The following VRK2 variants were observed in gnomAD, a reference collection of about 807,000 sequenced individuals.
VRK2 encodes VRK serine/threonine kinase 2, also known as serine/threonine-protein kinase VRK2.
VRK2 carries 60 observed loss-of-function variants against 57.6 expected under a neutral mutation model. The ratio of observed to expected loss-of-function variants is 1.04; its 90% CI spans 0.85 to 1.29. The LOEUF (loss-of-function observed/expected upper bound fraction) is 1.29, where lower values mean the gene tolerates loss of function less well. Ranked by LOEUF, VRK2 falls within the 50% of genes most tolerant of loss-of-function variation. The pLI is 0.00. For missense variants in VRK2, 705 were observed against 588.1 expected, an observed-to-expected ratio of 1.20 and a Z score of -2.06; for synonymous variants, 231 against 199.2, an observed-to-expected ratio of 1.16 and a Z score of -1.35.
chr2:58,151,731 GTTTTTTTTTTTTTTTTTTTTT>G lies in VRK2; in HGVS notation c.1182+5273_1182+5293del, dbSNP rs60379025. ...TTTTTTTAACTATGCTTCTATGCTT[GTTTTTTTTTTTTTTTTTTTTT>G]TTTTTTTTTTTTTTTGGTGGTCACT... On this transcript the variant is annotated intron_variant, in intron 12 of 12. Coordinates refer to ENST00000340157, the MANE Select transcript of VRK2 (RefSeq NM_006296.7). Among the ~76,000 whole-genome samples the G allele has an allele frequency of 1.4e-3, 24 of 16,722 alleles. 1 individual carries two copies. The East Asian group carries it at 0.016, about 11-fold the overall frequency. 11.0% of individuals were successfully genotyped at this position (16,722 alleles called of 152,430 possible). A position where few individuals can be genotyped will look rare whatever the true frequency, so the allele number is the denominator to read the frequency against.
intron 1 of VRK2, among the ~76,000 whole-genome samples, chr2:57,938,543 T>G (rs993722864): frequency 6.6e-6 from 1 of 152,242 alleles, no homozygotes; most frequent in Non-Finnish European, 1.5e-5. Context: ...TACCACTTAA[T>G]GCATTATCAG....
At chr2:58,154,743 C>T (rs936844431) in intron 12 of VRK2, 3 of 716,806 alleles carry the variant, frequency 4.2e-6, no homozygotes, top group Non-Finnish European at 7.8e-6. Context: ...ATTTTCTTCC[C>T]TTTTTTCCAG....
intron 1 of VRK2, among the ~76,000 whole-genome samples, chr2:57,951,315 T>C (rs953580706): frequency 6.6e-6 from 1 of 152,116 alleles, no homozygotes; most frequent in African/African-American, 2.4e-5. Flanking sequence ...TGCAATCTCA[T>C]GATAAAACTT....
intron 2 of VRK2, among the ~76,000 whole-genome samples, chr2:58,060,335 C>G (rs1677137539): frequency 6.6e-6 from 1 of 151,796 alleles, no homozygotes. Context: ...TGTAGATTGA[C>G]TATAATAAAG....
chr2:57,940,032 A>T (rs1316778893), intron 1 of VRK2, among the ~76,000 whole-genome samples: 1 of 152,180 alleles, frequency 6.6e-6, no homozygotes, highest in East Asian at 1.9e-4. Context: ...GTACACTCAG[A>T]TATCTTATAC....
chr2:58,154,193 T>C (rs1421556471), intron 12 of VRK2, among the ~76,000 whole-genome samples: 1 of 152,110 alleles, frequency 6.6e-6, no homozygotes, highest in East Asian at 1.9e-4. Flanking sequence ...TCCCTGTTAG[T>C]CTTGCTAGTT....
intron 2 of VRK2, among the ~76,000 whole-genome samples, chr2:58,074,961 C>T (rs1162417213): frequency 6.6e-6 from 1 of 151,896 alleles, no homozygotes; most frequent in African/African-American, 2.4e-5. Context: ...GTAAATTGTG[C>T]GTCATGGGAG....
chr2:57,982,129 C>A (rs763319271), intron 1 of VRK2, among the ~76,000 whole-genome samples: 36 of 152,180 alleles, frequency 2.4e-4, no homozygotes, highest in Admixed American at 3.9e-4. Context: ...CAATTGGCTT[C>A]ATTCTGGATG....
chr2:58,007,022 T>G (rs1040374549), intron 1 of VRK2, among the ~76,000 whole-genome samples: 1 of 152,024 alleles, frequency 6.6e-6, no homozygotes, highest in African/African-American at 2.4e-5. Context: ...AATCTTTCTC[T>G]CAGCCTTCCC....
intron 7 of VRK2, among the ~76,000 whole-genome samples, chr2:58,114,116 G>A (rs915210644): frequency 3.9e-5 from 6 of 152,028 alleles, no homozygotes; most frequent in Admixed American, 6.6e-5. Flanking sequence ...GCCTGGATAC[G>A]GTTTTGTATG....
intron 3 of VRK2, among the ~76,000 whole-genome samples, chr2:58,035,841 G>C (rs927937426): frequency 6.6e-6 from 1 of 151,988 alleles, no homozygotes; most frequent in Non-Finnish European, 1.5e-5. Context: ...ATATGAAATA[G>C]GAAAATGGGG....
At chr2:58,046,488 A>T (rs1256974559), upstream of VRK2, 1 of 985,002 alleles carries the variant, frequency 1.0e-6, no homozygotes, top group Non-Finnish European at 1.2e-6. Flanking sequence ...GAGATCTAAC[A>T]CTCCTACACA....
intron 1 of VRK2, among the ~76,000 whole-genome samples, chr2:57,934,205 A>T (rs189989630): frequency 6.6e-6 from 1 of 152,284 alleles, no homozygotes; most frequent in Admixed American, 6.5e-5. Flanking sequence ...TCTGAATTTG[A>T]CTGTATACTA....
upstream of VRK2, among the ~76,000 whole-genome samples, chr2:58,045,833 T>TA (rs1674697468): frequency 6.6e-6 from 1 of 152,188 alleles, no homozygotes. Context: ...AATATAAGCT[T>TA]ACTATGAGTC....
chr2:58,147,277 A>G, intron 12 of VRK2: 1 of 464,902 alleles, frequency 2.2e-6, no homozygotes, highest in Non-Finnish European at 4.3e-6. Flanking sequence ...CCAGCCAACA[A>G]GCCTGCAAGT....
chr2:58,006,619 A>T (rs62140008), intron 1 of VRK2, among the ~76,000 whole-genome samples: 51,047 of 151,944 alleles, frequency 0.34, 10,065 homozygotes, highest in East Asian at 0.53. Flanking sequence ...CCTAAATGCA[A>T]TGGGAGTAAT....
chr2:58,083,942 G>C (rs1671258201), intron 2 of VRK2, 147 bp from the exon 3 acceptor site: 4 of 743,674 alleles, frequency 5.4e-6, no homozygotes, highest in Non-Finnish European at 8.2e-6. Flanking sequence ...AAATGGAGAT[G>C]ATTGATTCCT....
chr2:57,950,681 T>C (rs1451942654), intron 1 of VRK2, among the ~76,000 whole-genome samples: 5 of 152,234 alleles, frequency 3.3e-5, no homozygotes, highest in Non-Finnish European at 7.3e-5. Flanking sequence ...CAAGTCATTA[T>C]TTAAGAAATA....
At chr2:57,989,949 G>A (rs1672711939) in intron 1 of VRK2, among the ~76,000 whole-genome samples, 1 of 152,126 alleles carries the variant, frequency 6.6e-6, no homozygotes, top group Non-Finnish European at 1.5e-5. Context: ...GAAGTTTAAA[G>A]TTCAAGGAGG....
Sources: gnomAD v4.1 joint callset for allele counts (sites outside exome capture counted in the v4.1 genomes callset) on GRCh38, gnomAD v4.1.1 for gene constraint, MANE v1.5 for transcripts, NCBI Gene and HGNC (gene_info 2026-07-23, HGNC 2026-07-21) for gene names.